Variants in PCLO observed in about 807,000 individuals in gnomAD.
PCLO encodes protein piccolo.
PCLO carries 82 observed loss-of-function variants against 427.5 expected under a neutral mutation model. The observed-to-expected ratio is 0.19, with a 90% confidence interval of 0.16 to 0.23. The LOEUF (loss-of-function observed/expected upper bound fraction) is 0.23, where lower values mean the gene tolerates loss of function less well. Ranked by LOEUF, PCLO falls within the 10% of genes least tolerant of loss-of-function variation. The pLI is 1.00. For missense variants in PCLO, 6,239 were observed against 6,115.9 expected (o/e 1.02, Z -0.67); for synonymous variants, 2,357 against 2,155.4 (o/e 1.09, Z -2.59).
chr7:83,124,384 A>T (rs895087608), intron 3 of PCLO, among the ~76,000 whole-genome samples: 2 of 151,880 alleles, frequency 1.3e-5, no homozygotes, highest in Non-Finnish European at 2.9e-5. Context: ...GAAAGTAAAC[A>T]TACAAATGTC....
intron 17 of PCLO, among the ~76,000 whole-genome samples, chr7:82,827,040 G>A (rs1791962515): frequency 6.6e-6 from 1 of 151,924 alleles, no homozygotes; most frequent in African/African-American, 2.4e-5. Flanking sequence ...AAATGTTTCA[G>A]CAATTTCCAA....
intron 3 of PCLO, among the ~76,000 whole-genome samples, chr7:83,079,528 T>TATG (rs75977255): frequency 0.28 from 42,681 of 151,836 alleles, 7,079 homozygotes; most frequent in East Asian, 0.55. Flanking sequence ...TTTTTCTAAA[T>TATG]ATTTTGTTTG....
intron 22 of PCLO, among the ~76,000 whole-genome samples, chr7:82,776,909 C>T (rs1436120366): frequency 1.1e-4 from 13 of 117,824 alleles, no homozygotes; most frequent in African/African-American, 6.3e-4. Flanking sequence ...GATATACGCA[C>T]ACACACACAC....
At chr7:82,920,411 G>GA (rs1005726808) in intron 6 of PCLO, among the ~76,000 whole-genome samples, 45 of 149,006 alleles carry the variant, frequency 3.0e-4, no homozygotes, top group Middle Eastern at 3.5e-3. Context: ...CTTTAATCTA[G>GA]AAAAAAAAAT....
At chr7:83,034,103 T>C (rs1377874896) in intron 3 of PCLO, among the ~76,000 whole-genome samples, 1 of 152,146 alleles carries the variant, frequency 6.6e-6, no homozygotes, top group Admixed American at 6.6e-5. Context: ...CAAAAACATC[T>C]CTTACTATAA....
Position 82,952,987 on chromosome 7 carries a change from G to T in PCLO, c.7966C>A (p.Pro2656Thr). ...QTFSATPVTA[P>T]SSFQAAPTSV... is the part of the protein sequence containing the mutation. ...GTGGGAGCTGCTTGAAATGAAGAGG[G>T]TGCTGTGACAGGGGTAGCAGAAAAT... is the stretch of plus-strand genomic sequence containing the variant. Residue 2656 changes from proline to threonine, a missense_variant, in exon 5 of 25, where the codon CCC (proline) becomes ACC (threonine). Pro to Thr is a conservative substitution (Grantham distance 38, BLOSUM62 -1). This residue lies in a region of PCLO where 4,677 missense variants were observed against 4,468.4 expected (regional missense o/e 1.05). Coordinates refer to ENST00000333891, the MANE Select transcript of PCLO (RefSeq NM_033026.6). 1 of 1,613,878 alleles carries T rather than the reference G, an allele frequency of 6.2e-7. No individual in the cohort carries two copies. The highest frequency in any genetic ancestry group is 8.5e-7 in the Non-Finnish European group (1 of 1,179,832).
At chr7:83,087,699 A>G (rs1790273451) in intron 3 of PCLO, among the ~76,000 whole-genome samples, 1 of 152,088 alleles carries the variant, frequency 6.6e-6, no homozygotes. Flanking sequence ...TTACAATAAG[A>G]AAAAGTAAAT....
chr7:83,017,683 A>C (rs1788242190), intron 3 of PCLO, among the ~76,000 whole-genome samples: 1 of 152,032 alleles, frequency 6.6e-6, no homozygotes, highest in Non-Finnish European at 1.5e-5. Flanking sequence ...TGCATCCTGA[A>C]TAATAAAAAA....
chr7:82,858,123 G>A (rs1331299072), intron 10 of PCLO, among the ~76,000 whole-genome samples: 1 of 152,014 alleles, frequency 6.6e-6, no homozygotes, highest in Admixed American at 6.5e-5. Context: ...CATCCACCAT[G>A]ATCAAGTGGG....
intron 3 of PCLO, among the ~76,000 whole-genome samples, chr7:83,083,787 C>T (rs2116407984): frequency 6.6e-6 from 1 of 152,220 alleles, no homozygotes; most frequent in East Asian, 1.9e-4. Context: ...CCCACTCAAA[C>T]ATATTTGCAA....
intron 22 of PCLO, among the ~76,000 whole-genome samples, chr7:82,765,196 GA>G (rs1790508518): frequency 6.6e-6 from 1 of 151,764 alleles, no homozygotes; most frequent in African/African-American, 2.4e-5. Flanking sequence ...GAATCTGTAA[GA>G]GTTAAAGAAA....
intron 3 of PCLO, among the ~76,000 whole-genome samples, chr7:83,079,585 T>G (rs535473845): frequency 6.6e-6 from 1 of 152,276 alleles, no homozygotes; most frequent in Non-Finnish European, 1.5e-5. Context: ...CCTGGGAAAT[T>G]AACTCTAAAA....
chr7:83,123,857 C>T (rs1037601180), intron 3 of PCLO, among the ~76,000 whole-genome samples: 8 of 147,102 alleles, frequency 5.4e-5, no homozygotes, highest in Admixed American at 1.4e-4. Context: ...TTTTGGAGTC[C>T]GAGGCCAGTG....
chr7:82,854,906 A>C (rs1792762844), intron 10 of PCLO, among the ~76,000 whole-genome samples: 1 of 152,262 alleles, frequency 6.6e-6, no homozygotes, highest in Non-Finnish European at 1.5e-5. Context: ...AAAATGAAAT[A>C]AATTTACATA....
intron 22 of PCLO, among the ~76,000 whole-genome samples, chr7:82,790,125 C>T (rs1791071913): frequency 6.6e-6 from 1 of 152,112 alleles, no homozygotes; most frequent in African/African-American, 2.4e-5. Flanking sequence ...CCCCTGCTTG[C>T]ATTCCAGTCC....
At chr7:82,934,812 T>C (rs1166838515) in intron 6 of PCLO, among the ~76,000 whole-genome samples, 1 of 151,588 alleles carries the variant, frequency 6.6e-6, no homozygotes, top group East Asian at 1.9e-4. Flanking sequence ...TAAAATATAT[T>C]TTTATATGAT....
At chr7:82,943,447 T>C (rs1388396462) in intron 6 of PCLO, among the ~76,000 whole-genome samples, 2 of 151,728 alleles carry the variant, frequency 1.3e-5, no homozygotes, top group African/African-American at 4.9e-5. Context: ...ATTTCTTAAA[T>C]ATACAAACTA....
chr7:82,841,323 T>C, intron 14 of PCLO, 136 bp downstream of exon 14: 3 of 652,910 alleles, frequency 4.6e-6, no homozygotes, highest in Non-Finnish European at 8.3e-6. Context: ...TTCTATAAAA[T>C]TGCATTTTTC....
At chr7:83,097,747 C>T (rs2023984) in intron 3 of PCLO, among the ~76,000 whole-genome samples, 69,186 of 150,806 alleles carry the variant, frequency 0.46, 16,293 homozygotes, top group East Asian at 0.71. Context: ...AGAGCACTTG[C>T]TATTGTGTCA....
Sources: allele counts gnomAD v4.1 joint callset (sites outside exome capture counted in the v4.1 genomes callset), GRCh38; gene constraint gnomAD v4.1.1; regional missense constraint gnomAD v4.1.1; transcripts MANE v1.5; gene names NCBI Gene and HGNC (gene_info 2026-07-23, HGNC 2026-07-21).